CEP164: variants seen among roughly 807,000 people sequenced by gnomAD.
The protein encoded by CEP164 is centrosomal protein 164.
Under a neutral mutation model 182.7 loss-of-function variants are expected in CEP164, and 162 were observed. The ratio of observed to expected loss-of-function variants is 0.89; its 90% CI spans 0.78 to 1.01. The LOEUF (loss-of-function observed/expected upper bound fraction) is 1.01, where lower values mean the gene tolerates loss of function less well. Ranked by LOEUF, CEP164 falls within the 50% of genes least tolerant of loss-of-function variation. CEP164 has a pLI of 0.00. For synonymous variants in CEP164, 661 were observed against 690.0 expected, an observed-to-expected ratio of 0.96 and a Z score of 0.66; for missense variants, 1,735 against 1,790.4, an observed-to-expected ratio of 0.97 and a Z score of 0.56.
chr11:117,373,849 G>C lies in CEP164; in HGVS notation c.1233+18G>C. On this transcript the variant is annotated intron_variant, in intron 10 of 32. Coordinates refer to ENST00000278935, the MANE Select transcript of CEP164 (RefSeq NM_014956.5). ...ATGGCCTGGTGAGTTTGAGATGAGG[G>C]CAGTAGAGTGGTGGTGAAGAGCATA... is the stretch of plus-strand genomic sequence containing the variant. 1.9e-6 allele frequency: 3 copies of C among 1,605,208 alleles called. No homozygotes were observed. Among genetic ancestry groups the C allele is most frequent in the Non-Finnish European group, 2.6e-6 (3 of 1,171,934 alleles).
In CEP164 at chr11:117,412,375, C is replaced by T. The variant is rs2279013; in HGVS notation, c.*207C>T. 291,871 of 468,060 alleles carry T rather than the reference C, an allele frequency of 0.62. 92,752 individuals carry two copies. The highest frequency in any genetic ancestry group is 0.68 in the Non-Finnish European group (177,588 of 262,470). The allele number at this position is 468,060 out of a possible 1,614,324, so 29.0% of individuals were successfully genotyped here. On this transcript the variant is annotated 3_prime_UTR_variant, in exon 33 of 33. Coordinates refer to ENST00000278935, the MANE Select transcript of CEP164 (RefSeq NM_014956.5). ...TATCTCAGGCTAAAATGTGTGGACT[C>T]GTACGAGCTCTTGTCATTGACATGG...
At position 117,339,631 on chromosome 11, in the gene CEP164, C is replaced by T. The variant is rs143166127; in HGVS notation, c.82+963C>T. 5.2e-4 allele frequency among the ~76,000 whole-genome samples: 74 copies of T among 141,368 alleles called. 5 individuals are homozygous for T. The East Asian group carries it at 0.015, about 29-fold the overall frequency. The allele number at this position is 141,368 out of a possible 152,430, so 92.7% of individuals were successfully genotyped here. On this transcript the variant is annotated intron_variant, in intron 3 of 32. Transcript: ENST00000278935. ...GCAACCTCTCTCTCCCGGGTTCAAG[C>T]GAATCTCATGCCTCAGCCTCCTGAG...
At chr11:117,375,900 C>A in intron 11 of CEP164, 109 bp downstream of exon 11, 1 of 886,134 alleles carries the variant, frequency 1.1e-6, no homozygotes, top group Non-Finnish European at 1.8e-6. Context: ...TTCTGTAAGT[C>A]CTCTCCCTTC....
chr11:117,371,259 A>C lies in CEP164; in HGVS notation c.945A>C (p.Glu315Asp). The C allele has an allele frequency of 6.2e-7, 1 of 1,614,252 alleles. No individual in the cohort carries two copies. The highest frequency in any genetic ancestry group is 8.5e-7 in the Non-Finnish European group (1 of 1,180,044). The change falls in exon 9 of 33, where the codon GAA becomes GAC. Residue 315 changes from glutamate to aspartate, a missense_variant. By Grantham distance (45) the Glu-to-Asp change is conservative. Transcript: ENST00000278935. ...GARPGLPEKEENEKSEPKICR... is the reference protein window; with the variant it reads ...GARPGLPEKEDNEKSEPKICR... Reference sequence around the variant, plus strand: ...GACCTGGTCTTCCAGAAAAAGAGGAAAATGAGAAGAGTGAACCTAAGATTT... The same window carrying C: ...GACCTGGTCTTCCAGAAAAAGAGGACAATGAGAAGAGTGAACCTAAGATTT...
In CEP164 at chr11:117,411,842, C is replaced by T. The variant is rs191488031; in HGVS notation, c.4211C>T (p.Ala1404Val). The T allele has an allele frequency of 4.2e-5, 67 of 1,614,148 alleles. No homozygotes were observed. The highest frequency in any genetic ancestry group is 1.2e-4 in the Admixed American group (7 of 60,030). Residue 1404 changes from alanine to valine, a missense_variant, in exon 32 of 33, where the codon GCG becomes GTG. Coordinates refer to ENST00000278935, the MANE Select transcript of CEP164 (RefSeq NM_014956.5). This position sits in a 1 kb window ranked among gnomAD's most constrained non-coding sequence, Gnocchi z 4.4. The stretch of plus-strand genomic sequence containing the variant: ...CACTCCCATTCGCAAGTCCCTGAGG[C>T]GGGCAGCACCACCTTTCAGGGCATA... Reference protein sequence around the residue: ...LQHSHSQVPEAGSTTFQGIIE... With the variant: ...LQHSHSQVPEVGSTTFQGIIE...
chr11:117,356,962 G>A (rs1248347886), intron 5 of CEP164, among the ~76,000 whole-genome samples: 1 of 152,122 alleles, frequency 6.6e-6, no homozygotes, highest in East Asian at 1.9e-4. Flanking sequence ...ACACCTTCCT[G>A]GGATTTGGGA....
intron 27 of CEP164, among the ~76,000 whole-genome samples, chr11:117,400,337 T>G (rs1044375274): frequency 2.0e-5 from 3 of 152,212 alleles, no homozygotes; most frequent in African/African-American, 7.2e-5. Context: ...TCTGTTCTAT[T>G]GGCTTATATA....
In CEP164 at chr11:117,347,024, C is replaced by T. The variant is rs2038992673; in HGVS notation, c.194+2747C>T. On this transcript the variant is annotated intron_variant, in intron 4 of 32. Transcript: ENST00000278935. ...ATACATGTATGCACCCCCTCCCCAA[C>T]AATGGTTTGGTTTTAAACATAAGCA... Among the ~76,000 whole-genome samples the T allele has an allele frequency of 1.3e-5, 2 of 152,150 alleles. 1 individual carries two copies. Among genetic ancestry groups the T allele is most frequent in the South Asian group, 4.1e-4 (2 of 4,830 alleles).
chr11:117,407,456 A>C (rs2046819806), intron 27 of CEP164, among the ~76,000 whole-genome samples: 1 of 120,972 alleles, frequency 8.3e-6, no homozygotes, highest in Non-Finnish European at 1.7e-5. Context: ...CTCTGTCTCT[A>C]CAAAAAAAAA....
chr11:117,373,774 G>A lies in CEP164; in HGVS notation c.1176G>A (p.Met392Ile), dbSNP rs759452273. The change falls in exon 10 of 33, where the codon ATG becomes ATA. Residue 392 changes from methionine to isoleucine, a missense_variant. Met to Ile is a conservative substitution (Grantham distance 10). Transcript: ENST00000278935. ...AGGAACTGGAAATTAGTGAACACAT[G>A]AAGGAACCACAGCTCTCAGACTCCA... Reference protein sequence around the residue: ...ASQELEISEHMKEPQLSDSIA... With the variant: ...ASQELEISEHIKEPQLSDSIA... 8 of 1,614,068 alleles carry A rather than the reference G, an allele frequency of 5.0e-6. No homozygotes were observed. Among genetic ancestry groups the A allele is most frequent in the South Asian group, 4.4e-5 (4 of 91,084 alleles).
chr11:117,395,949 C>A, intron 24 of CEP164, 105 bp from the exon 25 acceptor site: 1 of 1,510,394 alleles, frequency 6.6e-7, no homozygotes, highest in Non-Finnish European at 9.0e-7. Flanking sequence ...TCCTCAGGGA[C>A]TTTGACGGAT....
chr11:117,373,693 G>C, intron 9 of CEP164, 58 bp from the exon 10 acceptor site: 2 of 1,470,700 alleles, frequency 1.4e-6, no homozygotes, highest in Non-Finnish European at 1.9e-6. Context: ...CCCTGGGTAG[G>C]GACCATGACT....
intron 4 of CEP164, among the ~76,000 whole-genome samples, chr11:117,347,479 G>A (rs950553692): frequency 1.3e-5 from 2 of 152,116 alleles, no homozygotes; most frequent in African/African-American, 4.8e-5. Flanking sequence ...GGGAGGTCGA[G>A]GTGGGCGGAT....
intron 5 of CEP164, among the ~76,000 whole-genome samples, chr11:117,359,235 C>T (rs183808491): frequency 6.7e-4 from 102 of 152,292 alleles, no homozygotes; most frequent in East Asian, 3.9e-3. Flanking sequence ...TGAGCCACCA[C>T]GCCCAGCCTG....
chr11:117,394,920 G>A lies in CEP164; in HGVS notation c.2761G>A (p.Glu921Lys), dbSNP rs750017082. ...EDLRRRHREQ[E>K]RKLQDLELDL... ...CTTATGTGTTTCCCTTTCTGGGCAG[G>A]AAAGGAAGCTCCAGGATTTAGAGTT... Residue 921 changes from glutamate to lysine, a missense_variant and splice_region_variant, in exon 22 of 33, where the codon GAA becomes AAA. Coordinates refer to ENST00000278935, the MANE Select transcript of CEP164 (RefSeq NM_014956.5). The surrounding 1 kb of genome is among the most constrained non-coding windows in gnomAD (Gnocchi z 4.0). 8 of 1,614,114 alleles carry A rather than the reference G, an allele frequency of 5.0e-6. No homozygotes were observed. The Admixed American group carries it at 1.2e-4, about 24-fold the overall frequency.
chr11:117,339,501 T>C (rs758728313), intron 3 of CEP164, among the ~76,000 whole-genome samples: 2 of 150,986 alleles, frequency 1.3e-5, no homozygotes, highest in Non-Finnish European at 2.9e-5. Context: ...TATTACCTTA[T>C]TACCTTTTCC....
intron 1 of CEP164, among the ~76,000 whole-genome samples, chr11:117,334,976 G>A (rs962776703): frequency 2.0e-5 from 3 of 152,124 alleles, no homozygotes; most frequent in African/African-American, 4.8e-5. Context: ...TAGAGCACAT[G>A]CTTGGGAAGT....
intron 3 of CEP164, among the ~76,000 whole-genome samples, chr11:117,340,907 C>T (rs758851034): frequency 5.3e-5 from 8 of 152,284 alleles, no homozygotes; most frequent in Admixed American, 2.0e-4. Context: ...GAGCTCGGCT[C>T]GCTGCAACCT....
intron 5 of CEP164, among the ~76,000 whole-genome samples, chr11:117,361,535 C>T (rs1013331552): frequency 3.3e-5 from 5 of 152,026 alleles, no homozygotes; most frequent in South Asian, 2.1e-4. Context: ...CCACCGAGCC[C>T]GGCCTCCTAT....
Sources: allele counts gnomAD v4.1 joint callset (sites outside exome capture counted in the v4.1 genomes callset), GRCh38; gene constraint gnomAD v4.1.1; non-coding constraint Gnocchi (gnomAD v3.1); transcripts MANE v1.5; gene names NCBI Gene and HGNC (gene_info 2026-07-23, HGNC 2026-07-21).